Variants in GRB14 observed in about 807,000 individuals in gnomAD.
GRB14 encodes growth factor receptor bound protein 14.
In GRB14, 38 loss-of-function variants were observed where a neutral mutation model predicts 69.1. The ratio of observed to expected loss-of-function variants is 0.55; its 90% CI spans 0.42 to 0.72. The LOEUF (loss-of-function observed/expected upper bound fraction) is 0.72, where lower values mean the gene tolerates loss of function less well. GRB14 is among the 30% of genes least tolerant of loss of function. The probability of loss-of-function intolerance (pLI) is 0.00; values close to 1 mark genes in which losing one functional copy is unlikely to be tolerated. For synonymous variants in GRB14, 247 were observed against 241.3 expected (o/e 1.02, Z -0.22); for missense variants, 666 against 666.1 (o/e 1.00, Z 0.00).
chr2:164,561,061 C>T (rs532791946), intron 2 of GRB14, among the ~76,000 whole-genome samples: 1 of 152,192 alleles, frequency 6.6e-6, no homozygotes, highest in South Asian at 2.1e-4. Flanking sequence ...TACAGACCGC[C>T]CCAAGCAGTA....
chr2:164,549,013 G>A (rs1688458133), intron 2 of GRB14, among the ~76,000 whole-genome samples: 1 of 152,020 alleles, frequency 6.6e-6, no homozygotes, highest in African/African-American at 2.4e-5. Flanking sequence ...GAGTAGCTGG[G>A]ATTACAGGCA....
intron 2 of GRB14, among the ~76,000 whole-genome samples, chr2:164,593,941 A>G (rs1247800889): frequency 3.3e-5 from 5 of 152,232 alleles, no homozygotes; most frequent in Non-Finnish European, 7.3e-5. Flanking sequence ...TACAGGAAAA[A>G]CAGAATGTTT....
At chr2:164,550,951 G>A (rs943145993) in intron 2 of GRB14, among the ~76,000 whole-genome samples, 1 of 152,152 alleles carries the variant, frequency 6.6e-6, no homozygotes, top group Non-Finnish European at 1.5e-5. Flanking sequence ...TGCTCTGGTA[G>A]CTCCACCTTC....
chr2:164,568,824 C>G (rs1322460804), intron 2 of GRB14, among the ~76,000 whole-genome samples: 1 of 152,060 alleles, frequency 6.6e-6, no homozygotes, highest in Non-Finnish European at 1.5e-5. Flanking sequence ...ACTAAATTTA[C>G]TTATGCTATT....
chr2:164,513,301 C>A (rs188226367), intron 6 of GRB14, among the ~76,000 whole-genome samples: 85 of 144,370 alleles, frequency 5.9e-4, no homozygotes, highest in Middle Eastern at 3.4e-3. Context: ...TGAATAGTAG[C>A]CCCCCAAAAA....
At chr2:164,497,188 G>C in intron 11 of GRB14, 23 bp downstream of exon 11, 1 of 1,603,042 alleles carries the variant, frequency 6.2e-7, no homozygotes. Context: ...CTACTCAGTG[G>C]CAATGACTAT....
intron 2 of GRB14, among the ~76,000 whole-genome samples, chr2:164,578,870 C>A (rs981991513): frequency 5.3e-5 from 8 of 152,102 alleles, no homozygotes; most frequent in Non-Finnish European, 1.0e-4. Context: ...TGGAAGAGTT[C>A]ACTGCATCGC....
Position 164,511,917 on chromosome 2 carries a change from G to A in GRB14, c.817-3065C>T, listed in dbSNP as rs1202138631. Among the ~76,000 whole-genome samples the A allele has an allele frequency of 2.6e-5, 4 of 152,076 alleles. No homozygotes were observed. The East Asian group carries it at 5.8e-4, about 22-fold the overall frequency. On this transcript the variant is annotated intron_variant, in intron 6 of 13. Coordinates refer to ENST00000263915, the MANE Select transcript of GRB14 (RefSeq NM_004490.3). ...AGGGGAGTCCACTACCATGAAGGGC[G>A]AGTCCCAGACCTGGTGGCATTCACC...
At chr2:164,578,740 G>C (rs935733996) in intron 2 of GRB14, among the ~76,000 whole-genome samples, 1 of 152,146 alleles carries the variant, frequency 6.6e-6, no homozygotes, top group Non-Finnish European at 1.5e-5. Flanking sequence ...GATGGGAACA[G>C]ATGTTACGGA....
intron 8 of GRB14, among the ~76,000 whole-genome samples, chr2:164,504,822 G>A (rs549159746): frequency 1.6e-4 from 24 of 152,270 alleles, no homozygotes; most frequent in African/African-American, 5.3e-4. Context: ...TGGGGTGATG[G>A]TCCTGGATTA....
At chr2:164,550,939 G>A (rs1688521827) in intron 2 of GRB14, among the ~76,000 whole-genome samples, 1 of 152,106 alleles carries the variant, frequency 6.6e-6, no homozygotes, top group Non-Finnish European at 1.5e-5. Flanking sequence ...CAGCAGACTT[G>A]GTGCTCTGGT....
intron 12 of GRB14, among the ~76,000 whole-genome samples, chr2:164,495,923 G>A (rs1216875828): frequency 6.6e-6 from 1 of 151,838 alleles, no homozygotes; most frequent in Admixed American, 6.6e-5. Context: ...ATAAATACTG[G>A]GCTCAGAAAT....
At position 164,522,015 on chromosome 2, in the gene GRB14, A is replaced by G; in HGVS notation, c.781T>C (p.Ser261Pro). The change falls in exon 6 of 14, where the codon TCT (serine) becomes CCT (proline). Residue 261 changes from serine to proline, a missense_variant. Physicochemically the swap from Ser to Pro is moderately conservative, Grantham distance 74. Coordinates refer to ENST00000263915, the MANE Select transcript of GRB14 (RefSeq NM_004490.3). Reference protein sequence around the residue: ...WKKIYFFLRRSGLYFSTKGTS... With the variant: ...WKKIYFFLRRPGLYFSTKGTS... ...CCTTTAGTAGAAAAATATAAACCAG[A>G]TCTTCTTAGAAAAAAGTAAATTTTT... 1.2e-6 allele frequency: 2 copies of G among 1,602,798 alleles called. No individual in the cohort carries two copies. The highest frequency in any genetic ancestry group is 1.7e-6 in the Non-Finnish European group (2 of 1,171,760).
At chr2:164,583,035 A>C (rs1253129068) in intron 2 of GRB14, among the ~76,000 whole-genome samples, 1 of 152,050 alleles carries the variant, frequency 6.6e-6, no homozygotes, top group African/African-American at 2.4e-5. Context: ...ATTTTACTTC[A>C]CCATCCACAC....
chr2:164,546,681 G>A (rs1164429633), intron 3 of GRB14, among the ~76,000 whole-genome samples: 1 of 152,156 alleles, frequency 6.6e-6, no homozygotes, highest in Admixed American at 6.5e-5. Flanking sequence ...CCCCATCTTG[G>A]GTTCCCTGGC....
intron 2 of GRB14, among the ~76,000 whole-genome samples, chr2:164,585,198 T>C (rs12472920): frequency 0.48 from 70,256 of 146,410 alleles, 19,103 homozygotes; most frequent in Admixed American, 0.6. Context: ...TCTGCCCACC[T>C]TGGACTCCCA....
At chr2:164,580,524 G>A (rs1378953882) in intron 2 of GRB14, among the ~76,000 whole-genome samples, 1 of 151,910 alleles carries the variant, frequency 6.6e-6, no homozygotes, top group East Asian at 2.0e-4. Flanking sequence ...GGGCAACATG[G>A]TGAAATCCCA....
intron 2 of GRB14, among the ~76,000 whole-genome samples, chr2:164,577,147 C>T (rs1327298388): frequency 6.6e-6 from 1 of 152,174 alleles, no homozygotes; most frequent in Non-Finnish European, 1.5e-5. Context: ...GTGGCCAAAT[C>T]CTAGACGGTT....
chr2:164,548,288 T>C (rs1574296523), intron 2 of GRB14, among the ~76,000 whole-genome samples: 2 of 152,240 alleles, frequency 1.3e-5, no homozygotes, highest in African/African-American at 2.4e-5. Context: ...GAAGGACTTA[T>C]TTCACTAAGC....
Sources: gnomAD v4.1 joint callset for allele counts (sites outside exome capture counted in the v4.1 genomes callset) on GRCh38, gnomAD v4.1.1 for gene constraint, MANE v1.5 for transcripts, NCBI Gene and HGNC (gene_info 2026-07-23, HGNC 2026-07-21) for gene names.